KCNK13: variants seen among roughly 807,000 people sequenced by gnomAD.
The protein encoded by KCNK13 is potassium channel subfamily K member 13.
KCNK13 carries 12 observed loss-of-function variants against 23.4 expected under a neutral mutation model. The observed-to-expected ratio is 0.51, with a 90% CI of 0.33 to 0.83. The LOEUF is 0.83. KCNK13 is among the 40% of genes least tolerant of loss of function. The pLI is 0.02. For missense variants in KCNK13, 463 were observed against 556.3 expected, an observed-to-expected ratio of 0.83 and a Z score of 1.69; for synonymous variants, 231 against 229.5, an observed-to-expected ratio of 1.01 and a Z score of -0.06.
chr14:90,124,307 C>G (rs1889771492), intron 1 of KCNK13, among the ~76,000 whole-genome samples: 1 of 152,200 alleles, frequency 6.6e-6, no homozygotes, highest in Non-Finnish European at 1.5e-5. Flanking sequence ...GGCCCCTGCC[C>G]CAAGACAGGT....
intron 1 of KCNK13, among the ~76,000 whole-genome samples, chr14:90,083,977 A>G (rs1005945381): frequency 5.3e-5 from 8 of 152,250 alleles, no homozygotes; most frequent in African/African-American, 1.9e-4. Context: ...ACAAAAATCA[A>G]TTAACCATAA....
chr14:90,142,520 G>A (rs569166313), intron 1 of KCNK13, among the ~76,000 whole-genome samples: 3 of 151,586 alleles, frequency 2.0e-5, no homozygotes, highest in Admixed American at 1.3e-4. Flanking sequence ...GGGTTTCATC[G>A]TGTTAGCCAG....
At chr14:90,139,778 A>G (rs1889981902) in intron 1 of KCNK13, among the ~76,000 whole-genome samples, 1 of 152,098 alleles carries the variant, frequency 6.6e-6, no homozygotes, top group African/African-American at 2.4e-5. Flanking sequence ...CTTGGGCAAC[A>G]TGGCAAAATC....
Position 90,184,941 on chromosome 14 carries a change from G to A in KCNK13, c.1165G>A (p.Gly389Arg). 2.5e-6 allele frequency: 4 copies of A among 1,611,630 alleles called. No homozygotes were observed. The highest frequency in any genetic ancestry group is 3.4e-6 in the Non-Finnish European group (4 of 1,178,628). ...STLARDNEFS[G>R]GVGAFAIMNN... ...ACTGGCCCGGGACAATGAATTCTCAGGGGGGGTGGGAGCCTTTGCAATCAT... is the reference window on the plus strand; with the variant it reads ...ACTGGCCCGGGACAATGAATTCTCAAGGGGGGTGGGAGCCTTTGCAATCAT... The change falls in exon 2 of 2, where the codon GGG becomes AGG. Residue 389 changes from glycine to arginine, a missense_variant. Transcript: ENST00000282146. This position sits in a 1 kb window ranked among gnomAD's most constrained non-coding sequence, Gnocchi z 5.6.
At position 90,184,384 on chromosome 14, in the gene KCNK13, C is replaced by T; in HGVS notation, c.608C>T (p.Thr203Ile). The T allele has an allele frequency of 6.2e-7, 1 of 1,614,256 alleles. No homozygotes were observed. The highest frequency in any genetic ancestry group is 8.5e-7 in the Non-Finnish European group (1 of 1,180,042). The change falls in exon 2 of 2, where the codon ACA becomes ATA. Residue 203 changes from threonine to isoleucine, a missense_variant. Transcript: ENST00000282146. The surrounding 1 kb of genome is among the most constrained non-coding windows in gnomAD (Gnocchi z 5.6). ...SVYYVMLILCTASILISCCAS... is the reference protein window; with the variant it reads ...SVYYVMLILCIASILISCCAS... ...TACTACGTCATGCTGATCCTATGCACAGCCTCCATCCTCATCTCTTGCTGC... is the reference window on the plus strand; with the variant it reads ...TACTACGTCATGCTGATCCTATGCATAGCCTCCATCCTCATCTCTTGCTGC...
intron 1 of KCNK13, among the ~76,000 whole-genome samples, chr14:90,127,593 G>C (rs906957766): frequency 6.7e-6 from 1 of 149,712 alleles, no homozygotes; most frequent in African/African-American, 2.5e-5. Flanking sequence ...CAGGAGGATT[G>C]CTTGAATCCA....
chr14:90,158,468 T>C (rs1272206140), intron 1 of KCNK13, among the ~76,000 whole-genome samples: 1 of 152,210 alleles, frequency 6.6e-6, no homozygotes, highest in African/African-American at 2.4e-5. Context: ...CCTGTAACCG[T>C]GGCCACCTCT....
At chr14:90,159,943 A>C (rs530684582) in intron 1 of KCNK13, among the ~76,000 whole-genome samples, 96 of 72,124 alleles carry the variant, frequency 1.3e-3, no homozygotes, top group African/African-American at 4.2e-3. Flanking sequence ...GTGTGTGTGT[A>C]GGGGTGTGTG....
At chr14:90,070,515 T>G (rs1183792267) in intron 1 of KCNK13, among the ~76,000 whole-genome samples, 1 of 152,236 alleles carries the variant, frequency 6.6e-6, no homozygotes, top group Non-Finnish European at 1.5e-5. Context: ...TGTGTCATAT[T>G]TTTCATCCTT....
intron 1 of KCNK13, among the ~76,000 whole-genome samples, chr14:90,083,942 C>G (rs979549344): frequency 6.6e-6 from 1 of 152,166 alleles, no homozygotes; most frequent in Non-Finnish European, 1.5e-5. Flanking sequence ...AGTCTTAGCC[C>G]CATTTAATTG....
At chr14:90,077,374 G>T (rs1889152536) in intron 1 of KCNK13, among the ~76,000 whole-genome samples, 1 of 152,128 alleles carries the variant, frequency 6.6e-6, no homozygotes, top group South Asian at 2.1e-4. Context: ...GCCCGCCTCG[G>T]CCTCCCAAAG....
Position 90,161,123 on chromosome 14 carries a change from A to T in KCNK13, c.335-22988A>T, listed in dbSNP as rs539768755. On this transcript the variant is annotated intron_variant, in intron 1 of 1. Coordinates refer to ENST00000282146, the MANE Select transcript of KCNK13 (RefSeq NM_022054.4). ...AAAATGTTATGCAGCCATAAGAAGG[A>T]ATGAAATTCTGATCCATGCTATAAC... is the stretch of plus-strand genomic sequence containing the variant. Among the ~76,000 whole-genome samples the T allele has an allele frequency of 2.6e-5, 4 of 152,328 alleles. No individual in the cohort carries two copies. The East Asian group carries it at 7.7e-4, about 29-fold the overall frequency.
intron 1 of KCNK13, among the ~76,000 whole-genome samples, chr14:90,109,172 G>A (rs1202312439): frequency 5.4e-5 from 7 of 129,656 alleles, no homozygotes; most frequent in Admixed American, 7.6e-5. Context: ...GCAAGACTCC[G>A]TCTCAAAAAA....
intron 1 of KCNK13, among the ~76,000 whole-genome samples, chr14:90,152,672 G>A (rs1890149257): frequency 2.0e-5 from 3 of 152,132 alleles, no homozygotes; most frequent in African/African-American, 7.2e-5. Flanking sequence ...TATGTTATTA[G>A]CAGTGTGAGA....
At chr14:90,106,596 C>T (rs1889546374) in intron 1 of KCNK13, among the ~76,000 whole-genome samples, 1 of 151,598 alleles carries the variant, frequency 6.6e-6, no homozygotes. Flanking sequence ...ATTTATGATA[C>T]TATCATGAAA....
chr14:90,122,047 ATCTTTT>A (rs573258463), intron 1 of KCNK13, among the ~76,000 whole-genome samples: 13 of 152,076 alleles, frequency 8.5e-5, no homozygotes, highest in Non-Finnish European at 1.6e-4. Context: ...TATATTTTAT[ATCTTTT>A]TCTTAAGAAA....
intron 1 of KCNK13, among the ~76,000 whole-genome samples, chr14:90,087,906 C>T (rs928582568): frequency 2.6e-5 from 4 of 152,128 alleles, no homozygotes; most frequent in Non-Finnish European, 4.4e-5. Flanking sequence ...TTCAGCATGC[C>T]ATGTATACTT....
chr14:90,159,328 C>T (rs1890227411), intron 1 of KCNK13, among the ~76,000 whole-genome samples: 1 of 152,172 alleles, frequency 6.6e-6, no homozygotes, highest in South Asian at 2.1e-4. Flanking sequence ...TAGCTAAGAC[C>T]TTTCTGCCCT....
In KCNK13 at chr14:90,145,272, A is replaced by T. The variant is rs191437803; in HGVS notation, c.335-38839A>T. ...GCCAGGTGTGGTGGTGCGCGCCTGT[A>T]GTCCCAGCTACTTGGGAGGCTGAGG... On this transcript the variant is annotated intron_variant, in intron 1 of 1. Transcript: ENST00000282146. Among the ~76,000 whole-genome samples, 767 of 152,192 alleles carry T rather than the reference A, an allele frequency of 5.0e-3. 3 individuals carry two copies. The highest frequency in any genetic ancestry group is 0.017 in the African/African-American group (722 of 41,534).
Sources: allele counts gnomAD v4.1 joint callset (sites outside exome capture counted in the v4.1 genomes callset), GRCh38; gene constraint gnomAD v4.1.1; non-coding constraint Gnocchi (gnomAD v3.1); transcripts MANE v1.5; gene names NCBI Gene and HGNC (gene_info 2026-07-23, HGNC 2026-07-21).